Variants in PRDM11 observed in about 807,000 individuals in gnomAD.
PRDM11 encodes PR domain-containing protein 11.
A neutral mutation model predicts 97.8 loss-of-function variants in PRDM11; 20 were observed. That is an observed-to-expected ratio of 0.20 (90% confidence interval 0.14 to 0.30). The LOEUF (loss-of-function observed/expected upper bound fraction) is 0.30. Ranked by LOEUF, PRDM11 falls within the 10% of genes least tolerant of loss-of-function variation. PRDM11 has a pLI of 1.00. For missense variants in PRDM11, 1,139 were observed against 1,555.2 expected (o/e 0.73, Z 4.50); for synonymous variants, 599 against 637.7 (o/e 0.94, Z 0.91).
chr11:45,225,906 A>AC, intron 7 of PRDM11, 89 bp from the exon 8 acceptor site: 1 of 1,409,092 alleles, frequency 7.1e-7, no homozygotes, highest in Admixed American at 2.8e-5. Context: ...ATGGTGTGGC[A>AC]CCTACCTTCC....
rs192433941 is a variant in PRDM11 at position 45,226,352 on chromosome 11, G to A, written c.1727G>A (p.Arg576His). 6 of 1,533,960 alleles carry A rather than the reference G, an allele frequency of 3.9e-6. No individual in the cohort carries two copies. The Admixed American group carries it at 9.8e-5, about 25-fold the overall frequency. ...AAGTGCCTGCAACTGTACAAGCTCC[G>A]CATGCACCCGGAGAAGACAGAGGAG... is the stretch of plus-strand genomic sequence containing the variant. ...HKKCLQLYKL[R>H]MHPEKTEEMC... The change falls in exon 8 of 8, where the codon CGC becomes CAC. Residue 576 changes from arginine (R) to histidine (H), a missense_variant. Arg to His is a conservative substitution (Grantham distance 29). Transcript: ENST00000683152.
At chr11:45,107,470 A>G (rs1852082127) in intron 1 of PRDM11, among the ~76,000 whole-genome samples, 2 of 152,232 alleles carry the variant, frequency 1.3e-5, no homozygotes, top group South Asian at 4.1e-4. Context: ...GGTTTTGTGT[A>G]TACAGTTGTG....
chr11:45,095,029 G>A (rs117097854), upstream of PRDM11, among the ~76,000 whole-genome samples: 12 of 152,248 alleles, frequency 7.9e-5, no homozygotes, highest in East Asian at 1.9e-3. Context: ...AGGCATGGGG[G>A]CAGGGAACTG....
intron 6 of PRDM11, 95 bp from the exon 7 acceptor site, chr11:45,224,122 T>A (rs778952748): frequency 1.1e-5 from 15 of 1,407,158 alleles, no homozygotes; most frequent in Admixed American, 4.5e-5. Context: ...GAGGGATGTG[T>A]CAGGTGACCT....
At chr11:45,102,532 G>T (rs950014227) in intron 1 of PRDM11, among the ~76,000 whole-genome samples, 2 of 152,186 alleles carry the variant, frequency 1.3e-5, no homozygotes, top group Non-Finnish European at 2.9e-5. Context: ...CCCAGGAAGG[G>T]AGTAGAAGAG....
intron 1 of PRDM11, among the ~76,000 whole-genome samples, chr11:45,105,524 A>G (rs1852045993): frequency 6.6e-6 from 1 of 152,194 alleles, no homozygotes; most frequent in Non-Finnish European, 1.5e-5. Context: ...TCTGAAAGCC[A>G]CCTCATCACT....
intron 1 of PRDM11, among the ~76,000 whole-genome samples, chr11:45,171,194 G>C (rs753603144): frequency 1.3e-5 from 2 of 151,980 alleles, no homozygotes; most frequent in African/African-American, 2.4e-5. Context: ...CCACCTCCTG[G>C]GTTCAAGCAA....
chr11:45,108,564 T>C (rs1852106751), intron 1 of PRDM11, among the ~76,000 whole-genome samples: 1 of 152,224 alleles, frequency 6.6e-6, no homozygotes, highest in African/African-American at 2.4e-5. Context: ...GCCTGGGCTC[T>C]GGCTCCTGCC....
chr11:45,196,343 A>G (rs1055313528), intron 4 of PRDM11, among the ~76,000 whole-genome samples: 1 of 152,084 alleles, frequency 6.6e-6, no homozygotes, highest in Non-Finnish European at 1.5e-5. Context: ...TAACAGCTCC[A>G]TGGGGTGCTT....
intron 4 of PRDM11, among the ~76,000 whole-genome samples, chr11:45,185,660 G>C (rs1852677795): frequency 6.6e-6 from 1 of 152,156 alleles, no homozygotes; most frequent in African/African-American, 2.4e-5. Flanking sequence ...GACAAAAAAG[G>C]GGGTGGATCA....
At chr11:45,159,207 C>G (rs1420771960) in intron 1 of PRDM11, among the ~76,000 whole-genome samples, 7 of 152,382 alleles carry the variant, frequency 4.6e-5, no homozygotes, top group Admixed American at 4.6e-4. Flanking sequence ...CTTTTAGACT[C>G]ACTCTCATTT....
At chr11:45,113,921 T>A (rs1035190582) in intron 1 of PRDM11, among the ~76,000 whole-genome samples, 3 of 151,866 alleles carry the variant, frequency 2.0e-5, no homozygotes, top group Non-Finnish European at 2.9e-5. Context: ...TTTGGATAAG[T>A]CTTTAGAGTT....
At chr11:45,179,350 G>A (rs1475349119) in intron 1 of PRDM11, among the ~76,000 whole-genome samples, 5 of 152,122 alleles carry the variant, frequency 3.3e-5, no homozygotes, top group Admixed American at 6.5e-5. Context: ...CTCCACACTC[G>A]TCTGTGTCCA....
intron 4 of PRDM11, among the ~76,000 whole-genome samples, chr11:45,197,703 G>A (rs1174722881): frequency 2.6e-5 from 4 of 152,078 alleles, no homozygotes; most frequent in South Asian, 2.1e-4. Context: ...AAAAAAGGAC[G>A]AGTTCATGTC....
At chr11:45,095,779 C>A (rs1000297483), upstream of PRDM11, 7 of 722,060 alleles carry the variant, frequency 9.7e-6, no homozygotes, top group Non-Finnish European at 1.8e-5. Context: ...GCTGGGGCAC[C>A]CATTTCGGGT....
Position 45,113,711 on chromosome 11 carries a change from G to T in PRDM11, c.96+17810G>T, listed in dbSNP as rs181400208. Among the ~76,000 whole-genome samples the T allele has an allele frequency of 1.1e-4, 16 of 151,342 alleles. 1 individual carries two copies. The highest frequency in any genetic ancestry group is 6.3e-4 in the South Asian group (3 of 4,800). On this transcript the variant is annotated intron_variant, in intron 1 of 6. Coordinates refer to the PRDM11 transcript ENST00000530656. ...AAATTATTTATTTATTTATTATTTT[G>T]CAGCTGTTGTAAAAGGGAGTGAGTT...
At chr11:45,140,870 C>T (rs1041064528) in intron 1 of PRDM11, among the ~76,000 whole-genome samples, 2 of 152,112 alleles carry the variant, frequency 1.3e-5, no homozygotes, top group Admixed American at 6.5e-5. Context: ...ATGATTGAAT[C>T]CAACATTCCC....
intron 5 of PRDM11, among the ~76,000 whole-genome samples, chr11:45,205,892 G>A (rs567785914): frequency 2.7e-4 from 41 of 152,250 alleles, no homozygotes; most frequent in Admixed American, 7.8e-4. Context: ...TTATGGGTTA[G>A]GGAAGGTGTT....
At chr11:45,223,405 G>A (rs1270758089) in intron 6 of PRDM11, among the ~76,000 whole-genome samples, 1 of 152,218 alleles carries the variant, frequency 6.6e-6, no homozygotes, top group Non-Finnish European at 1.5e-5. Flanking sequence ...AGTGAATTGA[G>A]GTAATTCACA....
Sources: allele counts gnomAD v4.1 joint callset (sites outside exome capture counted in the v4.1 genomes callset), GRCh38; gene constraint gnomAD v4.1.1; transcripts MANE v1.5; gene names NCBI Gene and HGNC (gene_info 2026-07-23, HGNC 2026-07-21).